ADAMTS2: variants seen among roughly 807,000 people sequenced by gnomAD.
ADAMTS2 encodes the protein A disintegrin and metalloproteinase with thrombospondin motifs 2.
A neutral mutation model predicts 123.0 loss-of-function variants in ADAMTS2; 50 were observed. The observed-to-expected ratio is 0.41, with a 90% confidence interval of 0.32 to 0.51. The LOEUF is 0.51. ADAMTS2 is among the 20% of genes least tolerant of loss of function. The probability of loss-of-function intolerance (pLI) is 0.35; values close to 1 mark genes in which losing one functional copy is unlikely to be tolerated. For missense variants in ADAMTS2, 1,494 were observed against 1,705.2 expected, an observed-to-expected ratio of 0.88 and a Z score of 2.18; for synonymous variants, 678 against 695.4, an observed-to-expected ratio of 0.98 and a Z score of 0.39.
chr5:179,217,616 T>G (rs1765011050), intron 3 of ADAMTS2, among the ~76,000 whole-genome samples: 1 of 151,824 alleles, frequency 6.6e-6, no homozygotes, highest in African/African-American at 2.4e-5. Flanking sequence ...CATCTTGCTG[T>G]TGGGCGGGCT....
chr5:179,319,885 T>C (rs556748518), intron 2 of ADAMTS2, among the ~76,000 whole-genome samples: 36 of 152,288 alleles, frequency 2.4e-4, no homozygotes, highest in South Asian at 4.1e-4. Context: ...ACACCCAGCC[T>C]GCCACATCTC....
intron 11 of ADAMTS2, among the ~76,000 whole-genome samples, 184 bp from the exon 12 acceptor site, chr5:179,138,128 G>T (rs1300610199): frequency 6.6e-6 from 1 of 151,768 alleles, no homozygotes; most frequent in African/African-American, 2.4e-5. Flanking sequence ...TGTCCAGCCT[G>T]TCAGGCCTCA....
In ADAMTS2 at chr5:179,280,679, G is replaced by A. The variant is rs151288625; in HGVS notation, c.535-7615C>T. Among the ~76,000 whole-genome samples, 407 of 152,094 alleles carry A rather than the reference G, an allele frequency of 2.7e-3. 1 individual carries two copies. The highest frequency in any genetic ancestry group is 8.8e-3 in the African/African-American group (367 of 41,498). ...ACCCCCAGTGTCTTCCTCTCTCTCC[G>A]GGCTTCTATTTGCACCTCAAAGCCT... On this transcript the variant is annotated intron_variant, in intron 2 of 21. Coordinates refer to ENST00000251582, the MANE Select transcript of ADAMTS2 (RefSeq NM_014244.5).
chr5:179,299,398 G>A (rs528815224), intron 2 of ADAMTS2, among the ~76,000 whole-genome samples: 2 of 63,454 alleles, frequency 3.2e-5, no homozygotes, highest in Admixed American at 2.1e-4. Context: ...CCGTGGTGGC[G>A]GGCGCCTGTA....
intron 5 of ADAMTS2, among the ~76,000 whole-genome samples, chr5:179,176,371 C>A (rs1763930581): frequency 1.3e-5 from 2 of 152,130 alleles, no homozygotes; most frequent in Admixed American, 6.5e-5. Flanking sequence ...AGCTCCAGAC[C>A]CCGCAGGGCT....
At chr5:179,227,914 G>A (rs1268144019) in intron 3 of ADAMTS2, among the ~76,000 whole-genome samples, 1 of 152,122 alleles carries the variant, frequency 6.6e-6, no homozygotes, top group Non-Finnish European at 1.5e-5. Context: ...GCAGCGTGTG[G>A]ACAAAGACTG....
chr5:179,114,159 T>C lies in ADAMTS2; in HGVS notation c.3344A>G (p.Asp1115Gly). 2 of 1,612,692 alleles carry C rather than the reference T, an allele frequency of 1.2e-6. No homozygotes were observed. The highest frequency in any genetic ancestry group is 2.7e-5 in the African/African-American group (2 of 74,980). ...RIEPPPGKHN[D>G]IDVFMPTLPV... is the part of the protein sequence containing the mutation. The stretch of plus-strand genomic sequence containing the variant: ...GAGGGTAGGCATGAACACGTCAATG[T>C]CGTTGTGCTTCCCAGGCGGTGGCTC... The change falls in exon 22 of 22, where the codon GAC becomes GGC. Residue 1115 changes from aspartate to glycine, a missense_variant. Transcript: ENST00000251582.
rs199931724 is a variant in ADAMTS2, at chr5:179,189,743, A to AG, written c.892-8589dup. ...ATATTACAAAATATCTTCTTAAGGT[A>AG]GGGGGGGACAATATTACAAAGTATC... is the stretch of plus-strand genomic sequence containing the variant. On this transcript the variant is annotated intron_variant, in intron 4 of 21. Coordinates refer to ENST00000251582, the MANE Select transcript of ADAMTS2 (RefSeq NM_014244.5). The surrounding 1 kb of genome is among the most constrained non-coding windows in gnomAD (Gnocchi z 4.2). 5.5e-5 allele frequency among the ~76,000 whole-genome samples: 8 copies of AG among 145,088 alleles called. No individual in the cohort carries two copies. Among genetic ancestry groups the AG allele is most frequent in the East Asian group, 4.1e-4 (2 of 4,844 alleles).
rs1403882797 is a variant in ADAMTS2, at chr5:179,132,170, C to T, written c.2290+60G>A. The stretch of plus-strand genomic sequence containing the variant: ...TGACCCCTGACCCCTGGCACTCTGC[C>T]CATTGATCCCAGAGGAGCCAGGTCC... On this transcript the variant is annotated intron_variant, in intron 15 of 21. Transcript: ENST00000251582. The surrounding 1 kb of genome is among the most constrained non-coding windows in gnomAD (Gnocchi z 6.1). 8 of 1,534,922 alleles carry T rather than the reference C, an allele frequency of 5.2e-6. No individual in the cohort carries two copies. The highest frequency in any genetic ancestry group is 7.2e-6 in the Non-Finnish European group (8 of 1,111,722).
At position 179,126,082 on chromosome 5, in the gene ADAMTS2, A is replaced by T; in HGVS notation, c.2666T>A (p.Met889Lys). 6.2e-7 allele frequency: 1 copy of T among 1,613,188 alleles called. No homozygotes were observed. The highest frequency in any genetic ancestry group is 8.5e-7 in the Non-Finnish European group (1 of 1,180,016). Residue 889 changes from methionine to lysine, a missense_variant, in exon 18 of 22, where the codon ATG (methionine) becomes AAG (lysine). By Grantham distance (95) the Met-to-Lys change is moderately conservative. This residue lies in a region of ADAMTS2 where 953 missense variants were observed against 1,124.7 expected (regional missense o/e 0.85). Coordinates refer to ENST00000251582, the MANE Select transcript of ADAMTS2 (RefSeq NM_014244.5). ...GGCGGCACAGAAGCCACGGTGTACC[A>T]TCTTGTGGTCCAGCCTCCGGCGGCA... is the stretch of plus-strand genomic sequence containing the variant. ...YGCRRRLDHK[M>K]VHRGFCAALS...
intron 3 of ADAMTS2, among the ~76,000 whole-genome samples, chr5:179,264,646 G>A (rs568802802): frequency 6.6e-6 from 1 of 152,344 alleles, no homozygotes; most frequent in African/African-American, 2.4e-5. Context: ...AGGAAAGAAA[G>A]TATCAATTCA....
At chr5:179,298,021 C>T (rs1269039965) in intron 2 of ADAMTS2, among the ~76,000 whole-genome samples, 2 of 152,092 alleles carry the variant, frequency 1.3e-5, no homozygotes, top group African/African-American at 2.4e-5. Flanking sequence ...GACCTCCACA[C>T]CCTCCTGCTC....
intron 2 of ADAMTS2, among the ~76,000 whole-genome samples, chr5:179,322,097 A>C (rs1757198447): frequency 6.6e-6 from 1 of 152,220 alleles, no homozygotes; most frequent in South Asian, 2.1e-4. Context: ...AAAATGTTGA[A>C]AGCTAATGGC....
chr5:179,146,496 T>G (rs767847697), intron 10 of ADAMTS2, among the ~76,000 whole-genome samples: 2 of 152,254 alleles, frequency 1.3e-5, no homozygotes, highest in African/African-American at 2.4e-5. Context: ...ACGCCCTGAC[T>G]GCAGTGGCAG....
At chr5:179,243,454 A>G (rs922844064) in intron 3 of ADAMTS2, among the ~76,000 whole-genome samples, 1 of 152,308 alleles carries the variant, frequency 6.6e-6, no homozygotes, top group South Asian at 2.1e-4. Context: ...GCACACGCTC[A>G]AGGCTGTGCC....
At chr5:179,152,030 T>TC in intron 10 of ADAMTS2, 112 bp downstream of exon 10, 1 of 906,244 alleles carries the variant, frequency 1.1e-6, no homozygotes, top group Non-Finnish European at 1.8e-6. Context: ...GCAGCAGAGG[T>TC]CCCCTGAGAG....
rs574082887 is a variant in ADAMTS2, at chr5:179,152,307, C to T, written c.1516-52G>A. ...GGTCCCTCCCACCTCAGGGACCTCC[C>T]AGGGATGCCACCCACCCCCGGGTTC... On this transcript the variant is annotated intron_variant, in intron 9 of 21. Transcript: ENST00000251582. The T allele has an allele frequency of 1.2e-4, 191 of 1,566,464 alleles. 1 individual carries two copies. The Middle Eastern group carries it at 2.4e-3, about 19-fold the overall frequency.
intron 2 of ADAMTS2, among the ~76,000 whole-genome samples, chr5:179,329,898 G>A (rs539077701): frequency 4.0e-5 from 6 of 151,752 alleles, no homozygotes; most frequent in South Asian, 2.1e-4. Flanking sequence ...AGGCCGAGGC[G>A]GGTGGATCAT....
chr5:179,174,422 C>T (rs1763889736), intron 5 of ADAMTS2, among the ~76,000 whole-genome samples: 1 of 152,090 alleles, frequency 6.6e-6, no homozygotes, highest in African/African-American at 2.4e-5. Flanking sequence ...TCCATATTCC[C>T]CTTTACAATT....
Sources: allele counts gnomAD v4.1 joint callset (sites outside exome capture counted in the v4.1 genomes callset), GRCh38; gene constraint gnomAD v4.1.1; regional missense constraint gnomAD v4.1.1; non-coding constraint Gnocchi (gnomAD v3.1); transcripts MANE v1.5; gene names NCBI Gene and HGNC (gene_info 2026-07-23, HGNC 2026-07-21).